The following SPATA13 variants were observed in gnomAD, a reference collection of about 807,000 sequenced individuals.
SPATA13 encodes the protein spermatogenesis-associated protein 13.
Under a neutral mutation model 104.0 loss-of-function variants are expected in SPATA13, and 50 were observed. The ratio of observed to expected loss-of-function variants is 0.48; its 90% CI spans 0.38 to 0.61. The LOEUF is 0.61. Among genes scored for constraint, SPATA13 ranks in the 20% least tolerant of loss-of-function variants. The pLI, the probability that SPATA13 is intolerant of heterozygous loss-of-function variation, is 0.00. For missense variants in SPATA13, 1,524 were observed against 1,690.6 expected, an observed-to-expected ratio of 0.90 and a Z score of 1.73; for synonymous variants, 606 against 667.5, an observed-to-expected ratio of 0.91 and a Z score of 1.42.
chr13:24,218,570 A>G (rs992835680), intron 1 of SPATA13, among the ~76,000 whole-genome samples: 2 of 152,064 alleles, frequency 1.3e-5, no homozygotes, highest in Non-Finnish European at 2.9e-5. Flanking sequence ...GGATTTCAAT[A>G]TGTTTTCTTT....
intron 4 of SPATA13, among the ~76,000 whole-genome samples, chr13:24,274,401 A>G (rs1056628047): frequency 1.3e-5 from 2 of 152,032 alleles, no homozygotes; most frequent in African/African-American, 2.4e-5. Context: ...GCAGGGGAGG[A>G]TCTTTATTTT....
rs187651493 is a variant in SPATA13 at position 24,300,510 on chromosome 13, T to G, written c.3658+35T>G. On this transcript the variant is annotated intron_variant, in intron 12 of 12. Transcript: ENST00000382108. The stretch of plus-strand genomic sequence containing the variant: ...GGAGAAGGCTTTGTCCCCTTAATGC[T>G]TATCAGTATTCTCCTGAAAATGGGA... 11 of 1,590,402 alleles carry G rather than the reference T, an allele frequency of 6.9e-6. No individual in the cohort carries two copies. In the African/African-American group the frequency reaches 1.1e-4, roughly 16 times the overall value.
At chr13:24,133,923 G>A (rs1445351800) in intron 3 of SPATA13, among the ~76,000 whole-genome samples, 2 of 152,216 alleles carry the variant, frequency 1.3e-5, no homozygotes, top group African/African-American at 4.8e-5. Flanking sequence ...CATCCAGAGT[G>A]GGGGTTTCGT....
chr13:24,044,421 C>T (rs1256326485), intron 3 of SPATA13, among the ~76,000 whole-genome samples: 7 of 151,868 alleles, frequency 4.6e-5, no homozygotes, highest in South Asian at 2.1e-4. Flanking sequence ...TTAGTAGAGA[C>T]GGGGTTTCAC....
chr13:24,085,943 G>A (rs930623365), intron 3 of SPATA13, among the ~76,000 whole-genome samples: 1 of 152,324 alleles, frequency 6.6e-6, no homozygotes, highest in African/African-American at 2.4e-5. Flanking sequence ...AGCCAGAGAG[G>A]GTTTCCAGGG....
At position 24,286,230 on chromosome 13, in the gene SPATA13, A is replaced by T. The variant is rs775452366; in HGVS notation, c.2318A>T (p.Asn773Ile). 1.2e-6 allele frequency: 2 copies of T among 1,612,786 alleles called. No individual in the cohort carries two copies. The highest frequency in any genetic ancestry group is 3.3e-5 in the Admixed American group (2 of 59,918). The change falls in exon 6 of 13, where the codon AAC becomes ATC. Residue 773 changes from asparagine (N) to isoleucine (I), a missense_variant. Asn to Ile is a moderately radical substitution (Grantham distance 149, BLOSUM62 -3). Coordinates refer to ENST00000382108, the MANE Select transcript of SPATA13 (RefSeq NM_001166271.3). This position sits in a 1 kb window ranked among gnomAD's most constrained non-coding sequence, Gnocchi z 4.9. The part of the protein sequence containing the change: ...LAINELISDG[N>I]VVCAEALWDH... ...TCCTTTCAGCTGATCAGTGATGGCA[A>T]CGTGGTCTGCGCAGAAGCCCTGTGG...
chr13:24,034,423 T>G (rs1238371280), intron 3 of SPATA13: 1 of 152,214 alleles, frequency 6.6e-6, no homozygotes, highest in Non-Finnish European at 1.5e-5. Flanking sequence ...AAATGCTTAC[T>G]TCAGGGTCTG....
At chr13:24,144,921 A>C (rs1881881416) in intron 3 of SPATA13, among the ~76,000 whole-genome samples, 1 of 152,098 alleles carries the variant, frequency 6.6e-6, no homozygotes, top group Non-Finnish European at 1.5e-5. Flanking sequence ...TAAATCCTTC[A>C]TTACTTCCAA....
intron 4 of SPATA13, among the ~76,000 whole-genome samples, chr13:24,261,964 T>C (rs754446576): frequency 1.3e-5 from 2 of 152,254 alleles, no homozygotes; most frequent in Non-Finnish European, 2.9e-5. Flanking sequence ...TTTATTAGGC[T>C]ATGATATTAA....
At position 24,290,782 on chromosome 13, in the gene SPATA13, T is replaced by G; in HGVS notation, c.2978T>G (p.Ile993Ser). Residue 993 changes from isoleucine to serine, a missense_variant, in exon 9 of 13, where the codon ATT (isoleucine) becomes AGT (serine). By Grantham distance (142) the Ile-to-Ser change is moderately radical. This residue lies in a region of SPATA13 where 435 missense variants were observed against 554.8 expected (regional missense o/e 0.78). Coordinates refer to ENST00000382108, the MANE Select transcript of SPATA13 (RefSeq NM_001166271.3). ...GCCTGCCGCCTGCTGCAGCAGATGA[T>G]TGACATCGCCATCGACGGGTTCCTG... ...FEACRLLQQM[I>S]DIAIDGFLLT... The G allele has an allele frequency of 6.2e-7, 1 of 1,614,150 alleles. No individual in the cohort carries two copies. Among genetic ancestry groups the G allele is most frequent in the East Asian group, 2.2e-5 (1 of 44,884 alleles).
In SPATA13 at chr13:24,280,573, T is replaced by C. The variant is rs76707536; in HGVS notation, c.2165-3562T>C. On this transcript the variant is annotated intron_variant, in intron 4 of 12. Transcript: ENST00000382108. Reference sequence around the variant, plus strand: ...GTACCAGACAGTGCCAGATCAGTGGTTGCTAAAATTGGAAGATTCCTGCTG... The same window carrying C: ...GTACCAGACAGTGCCAGATCAGTGGCTGCTAAAATTGGAAGATTCCTGCTG... 5.2e-3 allele frequency among the ~76,000 whole-genome samples: 795 copies of C among 151,442 alleles called. 52 individuals carry two copies. The East Asian group carries it at 0.13, about 24-fold the overall frequency.
chr13:24,176,986 A>G (rs891727972), intron 1 of SPATA13, among the ~76,000 whole-genome samples: 1 of 152,116 alleles, frequency 6.6e-6, no homozygotes, highest in Non-Finnish European at 1.5e-5. Context: ...CTAAGTCTCA[A>G]ACTCCTGACC....
In SPATA13 at chr13:24,249,691, A is replaced by G. The variant is rs1412583283; in HGVS notation, c.1868A>G (p.Gln623Arg). The change falls in exon 3 of 13, where the codon CAG becomes CGG. Residue 623 changes from glutamine to arginine, a missense_variant. By Grantham distance (43) the Gln-to-Arg change is conservative. Around this residue, in one of 2 missense-constraint regions of SPATA13, gnomAD observed 1,089 missense variants for 1,135.9 expected, o/e 0.96. Coordinates refer to ENST00000382108, the MANE Select transcript of SPATA13 (RefSeq NM_001166271.3). ...QKEDRVDEDPQASMTSASPED... is the reference protein window; with the variant it reads ...QKEDRVDEDPRASMTSASPED... Reference sequence around the variant, plus strand: ...GAAGACCGTGTGGACGAGGACCCCCAGGCAAGCATGACTTCTGCCAGCCCT... The same window carrying G: ...GAAGACCGTGTGGACGAGGACCCCCGGGCAAGCATGACTTCTGCCAGCCCT... The G allele has an allele frequency of 6.2e-7, 1 of 1,614,190 alleles. No homozygotes were observed. The highest frequency in any genetic ancestry group is 1.7e-5 in the Admixed American group (1 of 60,032).
At chr13:24,234,219 A>C (rs1872447526) in intron 2 of SPATA13, among the ~76,000 whole-genome samples, 1 of 152,244 alleles carries the variant, frequency 6.6e-6, no homozygotes, top group African/African-American at 2.4e-5. Context: ...GAAGTTTAAG[A>C]AATGATAGGA....
At chr13:24,295,670 ACTCTCTCTCTCT>A (rs10523910) in intron 10 of SPATA13, among the ~76,000 whole-genome samples, 7 of 147,930 alleles carry the variant, frequency 4.7e-5, no homozygotes, top group Admixed American at 2.0e-4. Context: ...ACAAATTCTC[ACTCTCTCTCTCT>A]CTCTCTCTCT....
chr13:24,107,379 C>T (rs902696510), intron 3 of SPATA13, among the ~76,000 whole-genome samples: 4 of 151,600 alleles, frequency 2.6e-5, no homozygotes, highest in Non-Finnish European at 5.9e-5. Flanking sequence ...TCATCACAGT[C>T]TCTACTATGT....
In SPATA13 at chr13:24,223,021, G is replaced by C; in HGVS notation, c.92G>C (p.Cys31Ser). ...CTCGGGCCAGGCCCCGCAGCCCCCT[G>C]TGCAGGCTCGGACCTGAAAGACGCC... ...NGLGPGPAAP[C>S]AGSDLKDAKM... Residue 31 changes from cysteine to serine, a missense_variant, in exon 2 of 13, where the codon TGT (cysteine) becomes TCT (serine). Cys to Ser is a moderately radical substitution (Grantham distance 112). Around this residue, in one of 2 missense-constraint regions of SPATA13, gnomAD observed 1,089 missense variants for 1,135.9 expected, o/e 0.96. Transcript: ENST00000382108. The C allele has an allele frequency of 6.4e-7, 1 of 1,551,640 alleles. No homozygotes were observed. Among genetic ancestry groups the C allele is most frequent in the Non-Finnish European group, 8.7e-7 (1 of 1,146,914 alleles).
At chr13:24,043,887 AGG>A (rs1323245681) in intron 3 of SPATA13, among the ~76,000 whole-genome samples, 2 of 152,348 alleles carry the variant, frequency 1.3e-5, no homozygotes, top group East Asian at 3.9e-4. Flanking sequence ...AAGGACTGCC[AGG>A]GGAGGGGTAG....
chr13:24,047,291 A>G (rs905461645), intron 3 of SPATA13, among the ~76,000 whole-genome samples: 1 of 152,246 alleles, frequency 6.6e-6, no homozygotes, highest in Non-Finnish European at 1.5e-5. Context: ...CTCTGGCCAC[A>G]TCTCCTAAGA....
Sources: allele counts gnomAD v4.1 joint callset (sites outside exome capture counted in the v4.1 genomes callset), GRCh38; gene constraint gnomAD v4.1.1; regional missense constraint gnomAD v4.1.1; non-coding constraint Gnocchi (gnomAD v3.1); transcripts MANE v1.5; gene names NCBI Gene and HGNC (gene_info 2026-07-23, HGNC 2026-07-21).